Variants in SLC6A5 observed in about 807,000 individuals in gnomAD.
The protein encoded by SLC6A5 is solute carrier family 6 member 5.
A neutral mutation model predicts 90.5 loss-of-function variants in SLC6A5; 58 were observed. The observed-to-expected ratio is 0.64, with a 90% confidence interval of 0.52 to 0.80. The LOEUF is 0.80. Among genes scored for constraint, SLC6A5 ranks in the 30% least tolerant of loss-of-function variants. The pLI is 0.00. For synonymous variants in SLC6A5, 427 were observed against 401.4 expected (o/e 1.06, Z -0.76); for missense variants, 1,015 against 1,017.6 (o/e 1.00, Z 0.03).
intron 13 of SLC6A5, among the ~76,000 whole-genome samples, chr11:20,644,786 T>A (rs1442376298): frequency 6.6e-6 from 1 of 152,074 alleles, no homozygotes; most frequent in African/African-American, 2.4e-5. Flanking sequence ...ATATAGAACA[T>A]CAGCAGGGCC....
At chr11:20,652,697 C>G (rs1329894145) in intron 15 of SLC6A5, among the ~76,000 whole-genome samples, 1 of 152,188 alleles carries the variant, frequency 6.6e-6, no homozygotes, top group Non-Finnish European at 1.5e-5. Flanking sequence ...GTGGTGACAG[C>G]TCTGGGGAAT....
intron 6 of SLC6A5, among the ~76,000 whole-genome samples, chr11:20,617,279 A>G (rs998407520): frequency 3.9e-5 from 6 of 152,212 alleles, no homozygotes; most frequent in African/African-American, 1.4e-4. Flanking sequence ...CCAGGGCCAC[A>G]TTTTTCGTCA....
chr11:20,603,799 G>C (rs1012059765), intron 2 of SLC6A5, among the ~76,000 whole-genome samples: 18 of 152,126 alleles, frequency 1.2e-4, no homozygotes, highest in Admixed American at 5.2e-4. Flanking sequence ...GGAAGAAATG[G>C]CTGAGGAGGA....
chr11:20,600,044 A>G (rs1648123762), intron 1 of SLC6A5, among the ~76,000 whole-genome samples: 1 of 152,188 alleles, frequency 6.6e-6, no homozygotes, highest in Middle Eastern at 3.4e-3. Flanking sequence ...GAGGAGTTCT[A>G]TTCTGCGTGT....
intron 1 of SLC6A5, 35 bp downstream of exon 1, chr11:20,599,710 G>A (rs1422008552): frequency 1.2e-6 from 2 of 1,613,550 alleles, no homozygotes; most frequent in Non-Finnish European, 8.5e-7. Context: ...AAGAGGAAAG[G>A]GGGCTGAGGG....
intron 15 of SLC6A5, among the ~76,000 whole-genome samples, chr11:20,653,968 C>A (rs1317190553): frequency 6.6e-6 from 1 of 152,214 alleles, no homozygotes; most frequent in Non-Finnish European, 1.5e-5. Context: ...ACCAGCTTCA[C>A]TTTAAAAGGT....
chr11:20,614,865 C>T lies in SLC6A5; in HGVS notation c.1127+45C>T, dbSNP rs2289683. 0.022 allele frequency: 33,323 copies of T among 1,535,466 alleles called. 4,074 individuals are homozygous for T. In the East Asian group the frequency reaches 0.39, roughly 18 times the overall value. ...CCTTTTTTACCTTCTAAGAGAAACA[C>T]AGTGAATTAATAAATATTCAATTTG... is the stretch of plus-strand genomic sequence containing the variant. On this transcript the variant is annotated intron_variant, in intron 6 of 15. Coordinates refer to ENST00000525748, the MANE Select transcript of SLC6A5 (RefSeq NM_004211.5).
intron 13 of SLC6A5, among the ~76,000 whole-genome samples, chr11:20,642,123 C>A (rs1853325937): frequency 6.6e-6 from 1 of 151,084 alleles, no homozygotes; most frequent in African/African-American, 2.4e-5. Flanking sequence ...AATATAGAGT[C>A]ACTTGTTAAA....
At chr11:20,628,628 G>C (rs1252733151) in intron 9 of SLC6A5, among the ~76,000 whole-genome samples, 1 of 152,170 alleles carries the variant, frequency 6.6e-6, no homozygotes, top group Admixed American at 6.5e-5. Flanking sequence ...ATAGGGGAGT[G>C]GTAGGAAGAC....
intron 14 of SLC6A5, among the ~76,000 whole-genome samples, chr11:20,651,215 C>T (rs1201208168): frequency 2.1e-5 from 2 of 95,766 alleles, no homozygotes; most frequent in Non-Finnish European, 4.0e-5. Flanking sequence ...CCCTTCCCTT[C>T]CCTCCACCCC....
In SLC6A5 at chr11:20,658,053, A is replaced by T. The variant is rs1444118567; in HGVS notation, c.*3185A>T. ...AAATGTAATCAACTTGTATTTCAGT[A>T]AGCAGCACTTTAAAAAGAGTTTAAC... On this transcript the variant is annotated 3_prime_UTR_variant, in exon 16 of 16. Transcript: ENST00000525748. 4 of 152,212 alleles carry T rather than the reference A, an allele frequency of 2.6e-5. No individual in the cohort carries two copies. The highest frequency in any genetic ancestry group is 9.7e-5 in the African/African-American group (4 of 41,448). 9.4% of individuals were successfully genotyped at this position (152,212 alleles called of 1,614,324 possible).
intron 10 of SLC6A5, 77 bp downstream of exon 10, chr11:20,630,892 T>C: frequency 6.5e-7 from 1 of 1,540,260 alleles, no homozygotes; most frequent in Non-Finnish European, 8.9e-7. Context: ...TAGACTATGC[T>C]GGGAAGCTGG....
At chr11:20,639,607 G>T (rs575163474) in intron 13 of SLC6A5, among the ~76,000 whole-genome samples, 69 of 152,280 alleles carry the variant, frequency 4.5e-4, no homozygotes, top group African/African-American at 1.7e-3. Flanking sequence ...AGGTACCCCT[G>T]TTATGAGCAT....
chr11:20,603,919 G>A (rs1852525553), intron 2 of SLC6A5, among the ~76,000 whole-genome samples: 1 of 152,096 alleles, frequency 6.6e-6, no homozygotes, highest in Non-Finnish European at 1.5e-5. Flanking sequence ...TTCTTGGTAA[G>A]GGGTTGGGGA....
rs1284514984 is a variant in SLC6A5 at position 20,604,378 on chromosome 11, G to A, written c.633G>A (p.Leu211=). The A allele has an allele frequency of 2.5e-6, 4 of 1,614,044 alleles. No homozygotes were observed. The African/African-American group carries it at 4.0e-5, about 16-fold the overall frequency. Residue 211 remains leucine (L), a synonymous_variant, in exon 3 of 16, where the codon CTG becomes CTA. Transcript: ENST00000525748. The stretch of plus-strand genomic sequence containing the variant: ...CCATGGTGGGGTACGCAGTGGGGCT[G>A]GGCAATGTCTGGAGGTTTCCCTACC... ...ILSMVGYAVG[L]GNVWRFPYLA...
chr11:20,608,706 G>A (rs1481618159), intron 5 of SLC6A5, among the ~76,000 whole-genome samples: 1 of 152,154 alleles, frequency 6.6e-6, no homozygotes, highest in East Asian at 1.9e-4. Context: ...TCTGTGCTGA[G>A]ACCAGCTTCC....
intron 10 of SLC6A5, among the ~76,000 whole-genome samples, chr11:20,635,263 T>C (rs1196976824): frequency 6.6e-6 from 1 of 152,190 alleles, no homozygotes; most frequent in Non-Finnish European, 1.5e-5. Context: ...ATTTTACAGA[T>C]GGACAAAATT....
rs1209109982 is a variant in SLC6A5 at position 20,608,952 on chromosome 11, CTCTCTCTG to C, written c.985+1302_985+1309del. On this transcript the variant is annotated intron_variant, in intron 5 of 15. Transcript: ENST00000525748. ...TCTCTCTCTCTCTCTCTCTCTCTCT[CTCTCTCTG>C]TGTGTGTGTGTGTGTGTGTGTGTGT... is the stretch of plus-strand genomic sequence containing the variant. Among the ~76,000 whole-genome samples the C allele has an allele frequency of 2.6e-3, 241 of 94,372 alleles. 1 individual carries two copies. The highest frequency in any genetic ancestry group is 4.4e-3 in the African/African-American group (117 of 26,516). The allele number at this position is 94,372 out of a possible 152,430, so 61.9% of individuals were successfully genotyped here.
intron 6 of SLC6A5, 66 bp downstream of exon 6, chr11:20,614,886 A>G (rs932405715): frequency 2.0e-5 from 29 of 1,473,386 alleles, no homozygotes; most frequent in Middle Eastern, 1.7e-4. Flanking sequence ...TAAATATTCA[A>G]TTTGCAGACC....
Sources: gnomAD v4.1 joint callset for allele counts (sites outside exome capture counted in the v4.1 genomes callset) on GRCh38, gnomAD v4.1.1 for gene constraint, MANE v1.5 for transcripts, NCBI Gene and HGNC (gene_info 2026-07-23, HGNC 2026-07-21) for gene names.